Variants in ARHGAP42 observed in about 807,000 individuals in gnomAD.
ARHGAP42 encodes rho GTPase-activating protein 42.
A neutral mutation model predicts 125.0 loss-of-function variants in ARHGAP42; 63 were observed. The ratio of observed to expected loss-of-function variants is 0.50; its 90% CI spans 0.41 to 0.62. ARHGAP42 has a LOEUF of 0.62. Among genes scored for constraint, ARHGAP42 ranks in the 20% least tolerant of loss-of-function variants. The pLI is 0.00. For synonymous variants in ARHGAP42, 339 were observed against 351.0 expected (o/e 0.97, Z 0.38); for missense variants, 766 against 1,024.2 (o/e 0.75, Z 3.44).
intron 3 of ARHGAP42, among the ~76,000 whole-genome samples, chr11:100,805,415 A>G (rs1863965207): frequency 6.6e-6 from 1 of 152,224 alleles, no homozygotes; most frequent in Admixed American, 6.5e-5. Flanking sequence ...GAAGATAGTC[A>G]TAAGTTTTGA....
At chr11:100,773,253 A>G (rs1863024756) in intron 2 of ARHGAP42, among the ~76,000 whole-genome samples, 1 of 152,148 alleles carries the variant, frequency 6.6e-6, no homozygotes, top group Non-Finnish European at 1.5e-5. Flanking sequence ...CCTCAGATAA[A>G]TTGTTCACTA....
intron 3 of ARHGAP42, among the ~76,000 whole-genome samples, chr11:100,855,465 G>A (rs144551374): frequency 1.3e-5 from 2 of 151,970 alleles, no homozygotes; most frequent in African/African-American, 4.8e-5. Context: ...AATAAGTGTG[G>A]CAAGATTATC....
At chr11:100,722,794 A>G (rs951546293) in intron 1 of ARHGAP42, among the ~76,000 whole-genome samples, 1 of 152,182 alleles carries the variant, frequency 6.6e-6, no homozygotes, top group Non-Finnish European at 1.5e-5. Context: ...GACATTTTCA[A>G]TGTTAATGAA....
At chr11:100,797,360 A>T (rs1250727287) in intron 3 of ARHGAP42, among the ~76,000 whole-genome samples, 1 of 152,192 alleles carries the variant, frequency 6.6e-6, no homozygotes, top group Non-Finnish European at 1.5e-5. Context: ...ATAAAAGAAA[A>T]GTAGTCAGTG....
intron 4 of ARHGAP42, among the ~76,000 whole-genome samples, chr11:100,862,110 A>T (rs912046999): frequency 6.6e-6 from 1 of 152,154 alleles, no homozygotes; most frequent in Non-Finnish European, 1.5e-5. Context: ...GGGGACTTTC[A>T]GTGAAAATCT....
At chr11:100,758,667 AT>A (rs1441101419) in intron 1 of ARHGAP42, among the ~76,000 whole-genome samples, 9 of 152,184 alleles carry the variant, frequency 5.9e-5, no homozygotes, top group Non-Finnish European at 2.9e-5. Flanking sequence ...ATTAATAGTA[AT>A]TATAATTATG....
intron 8 of ARHGAP42, 49 bp from the exon 9 acceptor site, chr11:100,941,735 C>T (rs1432550648): frequency 2.5e-6 from 3 of 1,186,804 alleles, no homozygotes; most frequent in African/African-American, 1.6e-5. Context: ...AACTTTGATA[C>T]AAATCATTTA....
At chr11:100,735,020 C>CAAAA (rs1304006803) in intron 1 of ARHGAP42, among the ~76,000 whole-genome samples, 27 of 152,024 alleles carry the variant, frequency 1.8e-4, no homozygotes, top group African/African-American at 6.1e-4. Context: ...ACAACAACAA[C>CAAAA]AACAACAAAA....
intron 1 of ARHGAP42, among the ~76,000 whole-genome samples, chr11:100,698,790 C>G (rs116290664): frequency 1.2e-3 from 177 of 152,232 alleles, no homozygotes; most frequent in African/African-American, 3.9e-3. Context: ...TAGAGATAAT[C>G]GAGGTGCCTT....
rs1164387987 is a variant in ARHGAP42, at chr11:100,880,146, T to G, written c.384+20521T>G. Among the ~76,000 whole-genome samples, 5 of 152,210 alleles carry G rather than the reference T, an allele frequency of 3.3e-5. No homozygotes were observed. The East Asian group carries it at 9.6e-4, about 29-fold the overall frequency. On this transcript the variant is annotated intron_variant, in intron 4 of 23. Coordinates refer to ENST00000298815, the MANE Select transcript of ARHGAP42 (RefSeq NM_152432.4). ...AGGTTATTAGTGAACAGGTGGTGTT[T>G]GGTTACATGAGTAAGTTCTTTAGTG...
chr11:100,993,572 CA>C lies in ARHGAP42; in HGVS notation c.*4772del, dbSNP rs1311381424. 1 of 166,990 alleles carries C rather than the reference CA, an allele frequency of 6.0e-6. No individual in the cohort carries two copies. Among genetic ancestry groups the C allele is most frequent in the Non-Finnish European group, 1.5e-5 (1 of 68,090 alleles). 10.3% of individuals were successfully genotyped at this position (166,990 alleles called of 1,614,324 possible). ...AAACCTTAACAAATAGGGAATTTGG[CA>C]GGGAAGACACCTGGGTTTTTAATTC... is the stretch of plus-strand genomic sequence containing the variant. On this transcript the variant is annotated 3_prime_UTR_variant, in exon 24 of 24. Transcript: ENST00000298815.
intron 12 of ARHGAP42, among the ~76,000 whole-genome samples, chr11:100,958,361 T>G (rs1283164040): frequency 6.6e-6 from 1 of 152,078 alleles, no homozygotes; most frequent in Non-Finnish European, 1.5e-5. Context: ...TTTTTGTGTG[T>G]TGAGTTCACT....
chr11:100,870,366 G>A (rs1335967082), intron 4 of ARHGAP42, among the ~76,000 whole-genome samples: 2 of 152,174 alleles, frequency 1.3e-5, no homozygotes, highest in African/African-American at 4.8e-5. Context: ...GGTGTTCTTG[G>A]TTTAAGAGTT....
chr11:100,918,940 G>T (rs1346401275), intron 5 of ARHGAP42, among the ~76,000 whole-genome samples: 1 of 152,102 alleles, frequency 6.6e-6, no homozygotes, highest in Non-Finnish European at 1.5e-5. Context: ...TTGTGTTGGG[G>T]TACCCAAGAC....
chr11:100,788,033 A>G (rs1276441757), intron 2 of ARHGAP42, among the ~76,000 whole-genome samples: 1 of 152,066 alleles, frequency 6.6e-6, no homozygotes, highest in African/African-American at 2.4e-5. Context: ...TTTTATTATC[A>G]TTTTCTTTTG....
Position 100,976,175 on chromosome 11 carries a change from A to G in ARHGAP42, c.1974A>G (p.Lys658=), listed in dbSNP as rs1858384347. Residue 658 remains lysine (K), a synonymous_variant, in exon 20 of 24, where the codon AAA becomes AAG. Coordinates refer to ENST00000298815, the MANE Select transcript of ARHGAP42 (RefSeq NM_152432.4). ...TKSASCQPRE[K]SGGIPWIATP... ...CAGCTTCCTGCCAGCCCAGGGAGAA[A>G]TCTGGAGGGATTCCTTGGATTGCAA... The G allele has an allele frequency of 2.6e-6, 4 of 1,551,586 alleles. No homozygotes were observed. Among genetic ancestry groups the G allele is most frequent in the Non-Finnish European group, 3.5e-6 (4 of 1,146,918 alleles).
chr11:100,693,032 G>A (rs528884042), intron 1 of ARHGAP42, among the ~76,000 whole-genome samples: 35 of 152,218 alleles, frequency 2.3e-4, no homozygotes, highest in Admixed American at 1.1e-3. Flanking sequence ...TTAAAAGGGG[G>A]AAAAAGGCAA....
intron 1 of ARHGAP42, among the ~76,000 whole-genome samples, chr11:100,705,329 A>G (rs1418601321): frequency 2.6e-5 from 4 of 152,254 alleles, no homozygotes. Context: ...TAGCCTTAAC[A>G]GTAGTCAGCC....
At chr11:100,872,043 T>C (rs1483677187) in intron 4 of ARHGAP42, among the ~76,000 whole-genome samples, 3 of 152,340 alleles carry the variant, frequency 2.0e-5, no homozygotes, top group Non-Finnish European at 2.9e-5. Flanking sequence ...GCACCCAGCC[T>C]GGTTCATTTA....
Sources: allele counts gnomAD v4.1 joint callset (sites outside exome capture counted in the v4.1 genomes callset), GRCh38; gene constraint gnomAD v4.1.1; transcripts MANE v1.5; gene names NCBI Gene and HGNC (gene_info 2026-07-23, HGNC 2026-07-21).